Variants in MSRB3 observed in about 807,000 individuals in gnomAD.
The protein encoded by MSRB3 is methionine-R-sulfoxide reductase B3.
In MSRB3, 13 loss-of-function variants were observed where a neutral mutation model predicts 21.0. That is an observed-to-expected ratio of 0.62 (90% CI 0.40 to 0.98). MSRB3 has a LOEUF of 0.98. Ranked by LOEUF, MSRB3 falls within the 50% of genes least tolerant of loss-of-function variation. The pLI is 0.00. For synonymous variants in MSRB3, 87 were observed against 88.6 expected (o/e 0.98, Z 0.10); for missense variants, 199 against 230.3 (o/e 0.86, Z 0.88).
chr12:65,314,651 G>T (rs1469596001), intron 2 of MSRB3, among the ~76,000 whole-genome samples: 1 of 151,976 alleles, frequency 6.6e-6, no homozygotes, highest in Non-Finnish European at 1.5e-5. Context: ...GTTAAGTGTG[G>T]ATTCTCTTGA....
intron 5 of MSRB3, among the ~76,000 whole-genome samples, chr12:65,443,037 G>A (rs748501343): frequency 6.6e-5 from 10 of 152,062 alleles, no homozygotes; most frequent in Admixed American, 2.6e-4. Flanking sequence ...GGGAAATAGG[G>A]AAGCTGGCCC....
At position 65,418,928 on chromosome 12, in the gene MSRB3, A is replaced by G. The variant is rs550515187; in HGVS notation, c.293-34800A>G. The stretch of plus-strand genomic sequence containing the variant: ...ACCTTAATGTTCAGCAGGGCCTCCT[A>G]CTCCTGGGCCTGGTGCTGCCCCTCT... On this transcript the variant is annotated intron_variant, in intron 5 of 6. Coordinates refer to ENST00000308259, the MANE Select transcript of MSRB3 (RefSeq NM_001031679.3). 367 of 717,082 alleles carry G rather than the reference A, an allele frequency of 5.1e-4. 11 individuals carry two copies. In the South Asian group the frequency reaches 5.3e-3, roughly 10 times the overall value. The allele number at this position is 717,082 out of a possible 1,614,324, so 44.4% of individuals were successfully genotyped here.
At chr12:65,460,514 G>A (rs1159530803) in intron 6 of MSRB3, among the ~76,000 whole-genome samples, 1 of 152,176 alleles carries the variant, frequency 6.6e-6, no homozygotes, top group Non-Finnish European at 1.5e-5. Context: ...CACAGATACA[G>A]ATGAACACCT....
chr12:65,456,996 T>C (rs1343574487), intron 6 of MSRB3, among the ~76,000 whole-genome samples: 2 of 152,114 alleles, frequency 1.3e-5, no homozygotes, highest in African/African-American at 2.4e-5. Flanking sequence ...TTTTCTTTCT[T>C]TTTTTAAAAT....
At chr12:65,286,404 AAT>A (rs1399583527) in intron 1 of MSRB3, 2 of 152,204 alleles carry the variant, frequency 1.3e-5, no homozygotes, top group African/African-American at 4.8e-5. Flanking sequence ...TGGACTTTTA[AAT>A]AGTCTCATGG....
chr12:65,346,694 T>C (rs939648879), intron 4 of MSRB3, among the ~76,000 whole-genome samples: 3 of 152,202 alleles, frequency 2.0e-5, no homozygotes, highest in African/African-American at 7.2e-5. Context: ...GCCTAGATTT[T>C]CTTCTAGGGT....
At chr12:65,358,010 G>A (rs543625138) in intron 4 of MSRB3, among the ~76,000 whole-genome samples, 6 of 151,930 alleles carry the variant, frequency 3.9e-5, no homozygotes, top group African/African-American at 1.2e-4. Context: ...AAAAGAGTAG[G>A]GATTTATGTT....
At chr12:65,450,441 A>T (rs1046505790) in intron 5 of MSRB3, among the ~76,000 whole-genome samples, 1 of 152,240 alleles carries the variant, frequency 6.6e-6, no homozygotes, top group African/African-American at 2.4e-5. Flanking sequence ...GCTAATATCT[A>T]AAAAGTACAG....
intron 5 of MSRB3, among the ~76,000 whole-genome samples, chr12:65,417,343 T>C (rs1881033279): frequency 1.3e-5 from 2 of 152,208 alleles, no homozygotes; most frequent in African/African-American, 4.8e-5. Context: ...TAAAATAGCT[T>C]ATTTTATTTT....
intron 5 of MSRB3, among the ~76,000 whole-genome samples, chr12:65,437,495 C>G (rs374702074): frequency 2.0e-5 from 3 of 151,942 alleles, no homozygotes; most frequent in East Asian, 3.9e-4. Flanking sequence ...ATATTAATAA[C>G]CAGGCCTGAA....
chr12:65,288,215 A>G (rs1482253554), intron 1 of MSRB3, among the ~76,000 whole-genome samples: 2 of 151,684 alleles, frequency 1.3e-5, no homozygotes, highest in Non-Finnish European at 2.9e-5. Flanking sequence ...AGGCAGGAGA[A>G]TCACTTGAAC....
rs542592097 is a variant in MSRB3, at chr12:65,370,105, G to T, written c.292+1079G>T. Among the ~76,000 whole-genome samples, 18 of 152,088 alleles carry T rather than the reference G, an allele frequency of 1.2e-4. No homozygotes were observed. The South Asian group carries it at 2.9e-3, about 25-fold the overall frequency. On this transcript the variant is annotated intron_variant, in intron 5 of 6. Transcript: ENST00000308259. Reference sequence around the variant, plus strand: ...AGTTTGGTAACTCCAGAAATCTTTGGATCCTGTGTCTTCTGCAGCCTCTGA... The same window carrying T: ...AGTTTGGTAACTCCAGAAATCTTTGTATCCTGTGTCTTCTGCAGCCTCTGA...
At chr12:65,292,542 C>T (rs970743429) in intron 1 of MSRB3, among the ~76,000 whole-genome samples, 4 of 152,114 alleles carry the variant, frequency 2.6e-5, no homozygotes, top group African/African-American at 9.7e-5. Flanking sequence ...GTTCTTTCTC[C>T]TTCAACTCAC....
At chr12:65,463,006 C>T (rs930320319) in intron 6 of MSRB3, 149 bp from the exon 7 acceptor site, 27 of 935,636 alleles carry the variant, frequency 2.9e-5, no homozygotes, top group African/African-American at 4.9e-5. Context: ...ACCATCTTTG[C>T]GGCTATTGAC....
At chr12:65,299,802 A>G (rs567299467) in intron 1 of MSRB3, among the ~76,000 whole-genome samples, 2 of 152,196 alleles carry the variant, frequency 1.3e-5, no homozygotes, top group East Asian at 1.9e-4. Context: ...TTGTTGCTAT[A>G]TAGTTTTTGT....
intron 4 of MSRB3, among the ~76,000 whole-genome samples, chr12:65,340,664 A>G (rs1447547363): frequency 6.6e-6 from 1 of 152,186 alleles, no homozygotes; most frequent in Admixed American, 6.5e-5. Flanking sequence ...GAAAAGACCA[A>G]TAAAGTTGAC....
chr12:65,290,123 A>G (rs1872591518), intron 1 of MSRB3, among the ~76,000 whole-genome samples: 1 of 133,334 alleles, frequency 7.5e-6, no homozygotes, highest in Non-Finnish European at 1.6e-5. Context: ...TTCATTATCT[A>G]TATATTTAAT....
At chr12:65,355,489 C>A (rs909077317) in intron 4 of MSRB3, among the ~76,000 whole-genome samples, 1 of 151,834 alleles carries the variant, frequency 6.6e-6, no homozygotes, top group Non-Finnish European at 1.5e-5. Context: ...TATATTTCAT[C>A]TTCATTATCT....
chr12:65,317,155 G>T (rs952976139), intron 2 of MSRB3, among the ~76,000 whole-genome samples: 21 of 152,154 alleles, frequency 1.4e-4, no homozygotes, highest in African/African-American at 4.3e-4. Context: ...TGAGGGCTTT[G>T]GACTAGAAAT....
Sources: gnomAD v4.1 joint callset for allele counts (sites outside exome capture counted in the v4.1 genomes callset) on GRCh38, gnomAD v4.1.1 for gene constraint, MANE v1.5 for transcripts, NCBI Gene and HGNC (gene_info 2026-07-23, HGNC 2026-07-21) for gene names.